The following SSBP2 variants were observed in gnomAD, a reference collection of about 807,000 sequenced individuals.
The protein encoded by SSBP2 is single-stranded DNA-binding protein 2.
Under a neutral mutation model 61.8 loss-of-function variants are expected in SSBP2, and 17 were observed. The observed-to-expected ratio is 0.28, with a 90% CI of 0.19 to 0.41. The LOEUF is 0.41. Among genes scored for constraint, SSBP2 ranks in the 10% least tolerant of loss-of-function variants. The pLI is 1.00. For missense variants in SSBP2, 310 were observed against 458.7 expected (o/e 0.68, Z 2.96); for synonymous variants, 139 against 141.3 (o/e 0.98, Z 0.12).
chr5:81,469,666 T>C (rs1765122463), intron 8 of SSBP2, among the ~76,000 whole-genome samples: 1 of 151,956 alleles, frequency 6.6e-6, no homozygotes, highest in East Asian at 1.9e-4. Flanking sequence ...AGGCCTTCCA[T>C]GAATGATGAG....
intron 3 of SSBP2, among the ~76,000 whole-genome samples, chr5:81,620,432 C>G (rs529272984): frequency 2.4e-4 from 37 of 151,924 alleles, no homozygotes; most frequent in African/African-American, 8.2e-4. Context: ...GAACCACAAA[C>G]CACTGGTCAA....
At position 81,413,801 on chromosome 5, in the gene SSBP2, T is replaced by A. The variant is rs545461475; in HGVS notation, c.*6703A>T. The A allele has an allele frequency of 6.6e-6, 1 of 152,206 alleles. No individual in the cohort carries two copies. The highest frequency in any genetic ancestry group is 2.4e-5 in the African/African-American group (1 of 41,476). The allele number at this position is 152,206 out of a possible 1,614,324, so 9.4% of individuals were successfully genotyped here. On this transcript the variant is annotated 3_prime_UTR_variant, in exon 17 of 17. Transcript: ENST00000320672. ...TTTAAAGTAATTTGTTGTCAAATTATGGTAACTGTACAGATTATTTGAATT... is the reference window on the plus strand; with the variant it reads ...TTTAAAGTAATTTGTTGTCAAATTAAGGTAACTGTACAGATTATTTGAATT...
intron 5 of SSBP2, among the ~76,000 whole-genome samples, chr5:81,491,528 AC>A (rs1398379759): frequency 1.3e-5 from 2 of 152,062 alleles, no homozygotes; most frequent in Non-Finnish European, 2.9e-5. Flanking sequence ...AACTGTCTAT[AC>A]CCTCCTACCT....
At chr5:81,577,403 G>T (rs1176067385) in intron 4 of SSBP2, among the ~76,000 whole-genome samples, 1 of 151,928 alleles carries the variant, frequency 6.6e-6, no homozygotes, top group African/African-American at 2.4e-5. Context: ...TGAGGGAAAT[G>T]GAAGGAGTTG....
intron 1 of SSBP2, among the ~76,000 whole-genome samples, chr5:81,711,777 G>T (rs1223860696): frequency 2.0e-5 from 3 of 151,860 alleles, no homozygotes; most frequent in African/African-American, 7.3e-5. Context: ...TAACAGTGTG[G>T]GTTCTGGAGC....
chr5:81,714,419 T>C (rs745341032), intron 1 of SSBP2, among the ~76,000 whole-genome samples: 2 of 152,178 alleles, frequency 1.3e-5, no homozygotes, highest in Admixed American at 6.5e-5. Context: ...TGGGTAAATA[T>C]CCAGTAATGA....
intron 1 of SSBP2, among the ~76,000 whole-genome samples, chr5:81,716,875 G>A (rs1336844425): frequency 6.6e-6 from 1 of 152,136 alleles, no homozygotes; most frequent in Non-Finnish European, 1.5e-5. Flanking sequence ...GAAGCATCAA[G>A]TATGTGTGTA....
chr5:81,446,412 T>C (rs1048359748), intron 12 of SSBP2, among the ~76,000 whole-genome samples: 1 of 152,198 alleles, frequency 6.6e-6, no homozygotes, highest in African/African-American at 2.4e-5. Context: ...AATAAATACT[T>C]ATAGACATGT....
At chr5:81,537,346 A>G (rs185368358) in intron 4 of SSBP2, among the ~76,000 whole-genome samples, 1 of 152,262 alleles carries the variant, frequency 6.6e-6, no homozygotes, top group Admixed American at 6.5e-5. Flanking sequence ...CAATTCTCAT[A>G]TGAATTTGTC....
intron 6 of SSBP2, among the ~76,000 whole-genome samples, chr5:81,477,919 A>G (rs1281691213): frequency 1.3e-5 from 2 of 152,186 alleles, no homozygotes; most frequent in African/African-American, 4.8e-5. Context: ...TAAGAAGATA[A>G]AAGATTTAAT....
intron 9 of SSBP2, among the ~76,000 whole-genome samples, chr5:81,463,258 C>T (rs182513577): frequency 2.4e-4 from 36 of 152,134 alleles, no homozygotes; most frequent in Admixed American, 2.1e-3. Flanking sequence ...TCTATTAGAA[C>T]AACTAGTTAA....
rs367868823 is a variant in SSBP2 at position 81,515,780 on chromosome 5, T to C, written c.283-2063A>G. Among the ~76,000 whole-genome samples, 12 of 151,800 alleles carry C rather than the reference T, an allele frequency of 7.9e-5. No individual in the cohort carries two copies. In the South Asian group the frequency reaches 1.7e-3, roughly 21 times the overall value. On this transcript the variant is annotated intron_variant, in intron 4 of 16. Coordinates refer to ENST00000320672, the MANE Select transcript of SSBP2 (RefSeq NM_012446.5). ...AAAGTTCTTAATTATATATGTTTCCTGGGTTTTTTTTCTTGCTATTACGTA... is the reference window on the plus strand; with the variant it reads ...AAAGTTCTTAATTATATATGTTTCCCGGGTTTTTTTTCTTGCTATTACGTA...
chr5:81,718,335 T>C (rs566340745), intron 1 of SSBP2, among the ~76,000 whole-genome samples: 3 of 152,062 alleles, frequency 2.0e-5, no homozygotes, highest in African/African-American at 7.2e-5. Context: ...AAGTGACTGC[T>C]AGCAAAGAAA....
intron 7 of SSBP2, 51 bp from the exon 8 acceptor site, chr5:81,473,821 C>T (rs1285359520): frequency 6.7e-7 from 1 of 1,501,268 alleles, no homozygotes. Context: ...AGTACTAAAC[C>T]AGAGGCTAGC....
intron 3 of SSBP2, among the ~76,000 whole-genome samples, chr5:81,619,633 G>A (rs1480207709): frequency 2.9e-5 from 4 of 137,232 alleles, no homozygotes; most frequent in African/African-American, 5.7e-5. Context: ...TACCAAAGCC[G>A]GGCAGAGACA....
chr5:81,695,858 TTAA>T (rs1438349802), intron 1 of SSBP2, among the ~76,000 whole-genome samples: 3 of 152,180 alleles, frequency 2.0e-5, no homozygotes, highest in South Asian at 2.1e-4. Context: ...TAAATTCTGC[TTAA>T]TAATATAATT....
chr5:81,729,265 TC>T (rs1323735936), intron 1 of SSBP2, among the ~76,000 whole-genome samples: 5 of 152,318 alleles, frequency 3.3e-5, no homozygotes, highest in Admixed American at 3.3e-4. Context: ...CATAAAAAGT[TC>T]ATCTGAACTA....
At chr5:81,606,519 A>G (rs1324083977) in intron 4 of SSBP2, among the ~76,000 whole-genome samples, 7 of 152,212 alleles carry the variant, frequency 4.6e-5, no homozygotes, top group Non-Finnish European at 1.0e-4. Flanking sequence ...AAGCAAGAAT[A>G]TATTCTAAAT....
At chr5:81,583,481 T>C (rs369803722) in intron 4 of SSBP2, among the ~76,000 whole-genome samples, 1 of 151,718 alleles carries the variant, frequency 6.6e-6, no homozygotes, top group Admixed American at 6.6e-5. Context: ...TGCAAAAAAA[T>C]TAGCTGGGCA....
Sources: allele counts gnomAD v4.1 joint callset (sites outside exome capture counted in the v4.1 genomes callset), GRCh38; gene constraint gnomAD v4.1.1; transcripts MANE v1.5; gene names NCBI Gene and HGNC (gene_info 2026-07-23, HGNC 2026-07-21).